GUCY2F: variants seen among roughly 807,000 people sequenced by gnomAD.
GUCY2F encodes the protein guanylate cyclase 2F, retinal, also known as retinal guanylyl cyclase 2.
GUCY2F carries 61 observed loss-of-function variants against 73.1 expected under a neutral mutation model. The observed-to-expected ratio is 0.83, with a 90% CI of 0.68 to 1.03. The LOEUF (loss-of-function observed/expected upper bound fraction) is 1.03, where lower values mean the gene tolerates loss of function less well. Ranked by LOEUF, GUCY2F falls within the 50% of genes least tolerant of loss-of-function variation. The pLI, the probability that GUCY2F is intolerant of heterozygous loss-of-function variation, is 0.00. For missense variants in GUCY2F, 912 were observed against 854.3 expected (o/e 1.07, Z -0.84); for synonymous variants, 331 against 307.8 (o/e 1.08, Z -0.79).
intron 5 of GUCY2F, among the ~76,000 whole-genome samples, chrX:109,448,701 T>C (rs1026125203): frequency 8.9e-6 from 1 of 112,346 alleles, no homozygotes; most frequent in African/African-American, 3.2e-5. Context: ...TGGGCCCAGA[T>C]TTCTGCCCAT....
chrX:109,389,326 G>A (rs780212459), intron 14 of GUCY2F, among the ~76,000 whole-genome samples: 1 of 112,092 alleles, frequency 8.9e-6, no homozygotes, highest in South Asian at 3.7e-4. Context: ...CTTCCCCACA[G>A]AAGTGTGCTC....
intron 7 of GUCY2F, among the ~76,000 whole-genome samples, chrX:109,440,649 A>G: frequency 8.9e-6 from 1 of 111,972 alleles, no homozygotes. Flanking sequence ...AGGAACAGAA[A>G]GGCAGTCTAG....
chrX:109,398,644 C>G lies in GUCY2F; in HGVS notation c.2180G>C (p.Gly727Ala). The change falls in exon 11 of 20, where the codon GGT becomes GCT. Residue 727 changes from glycine to alanine, a missense_variant. Transcript: ENST00000218006. ...LLRAPRGSRL[G>A]SFAGDVYSFA... ...GCTATAGACATCTCCTGCAAAAGAA[C>G]CTAACCTGCTGCCTCTTGGAGCTCT... 2 of 1,209,555 alleles carry G rather than the reference C, an allele frequency of 1.7e-6. No individual in the cohort carries two copies. The highest frequency in any genetic ancestry group is 2.2e-6 in the Non-Finnish European group (2 of 893,406).
At chrX:109,459,093 A>AT (rs902857027) in intron 3 of GUCY2F, among the ~76,000 whole-genome samples, 6 of 110,410 alleles carry the variant, frequency 5.4e-5, no homozygotes, top group Admixed American at 9.8e-5. Context: ...TGAAATCAAG[A>AT]TTTTTTTTTA....
intron 15 of GUCY2F, among the ~76,000 whole-genome samples, chrX:109,388,283 TA>T (rs1310742824): frequency 8.9e-6 from 1 of 111,941 alleles, no homozygotes; most frequent in Non-Finnish European, 1.9e-5. Context: ...AAGAGTTTAG[TA>T]CCTGGAACAA....
intron 17 of GUCY2F, among the ~76,000 whole-genome samples, chrX:109,379,753 CA>C (rs1366421420): frequency 8.9e-6 from 1 of 112,444 alleles, no homozygotes; most frequent in African/African-American, 3.2e-5. Flanking sequence ...AGTGATTTAT[CA>C]CTAGCCCACA....
At chrX:109,474,987 C>T (rs1465129065) in intron 2 of GUCY2F, among the ~76,000 whole-genome samples, 1 of 112,122 alleles carries the variant, frequency 8.9e-6, no homozygotes, top group Non-Finnish European at 1.9e-5. Flanking sequence ...CATTCACAGG[C>T]ATATGAAGCA....
At chrX:109,433,366 C>T (rs1034640849) in intron 7 of GUCY2F, among the ~76,000 whole-genome samples, 1 of 112,005 alleles carries the variant, frequency 8.9e-6, no homozygotes, top group Non-Finnish European at 1.9e-5. Context: ...AAACTGAAAA[C>T]TTAAGAGATT....
chrX:109,393,763 G>A (rs1413262601), intron 12 of GUCY2F, among the ~76,000 whole-genome samples: 1 of 112,124 alleles, frequency 8.9e-6, no homozygotes, highest in African/African-American at 3.2e-5. Flanking sequence ...TACAGTAACA[G>A]GGAGCTAGGC....
intron 6 of GUCY2F, among the ~76,000 whole-genome samples, chrX:109,444,347 A>T (rs766697615): frequency 3.6e-5 from 4 of 112,384 alleles, no homozygotes; most frequent in African/African-American, 1.3e-4. Context: ...CCAGCCAACT[A>T]ATTAAATATA....
At chrX:109,471,496 G>T in intron 2 of GUCY2F, among the ~76,000 whole-genome samples, 1 of 112,253 alleles carries the variant, frequency 8.9e-6, no homozygotes. Context: ...CTTCCAACAG[G>T]GTTCATGGTT....
intron 8 of GUCY2F, among the ~76,000 whole-genome samples, chrX:109,423,773 C>T (rs185095706): frequency 2.8e-5 from 3 of 107,312 alleles, no homozygotes; most frequent in Non-Finnish European, 3.8e-5. Context: ...ATTTTCTAGC[C>T]GTAGGTGACT....
In GUCY2F at chrX:109,478,699, T is replaced by C. The variant is rs139256440; in HGVS notation, c.-85-2678A>G. ...CCATGTATTGTCTCATTTTAAAAAC[T>C]GAATTTAAAAAACTCATCACAGTCC... On this transcript the variant is annotated intron_variant, in intron 1 of 19. Transcript: ENST00000218006. 7.3e-3 allele frequency among the ~76,000 whole-genome samples: 824 copies of C among 112,727 alleles called. 4 individuals are homozygous for C. The highest frequency in any genetic ancestry group is 0.025 in the African/African-American group (776 of 31,028).
At chrX:109,456,460 C>G (rs1303633809) in intron 3 of GUCY2F, among the ~76,000 whole-genome samples, 1 of 111,373 alleles carries the variant, frequency 9.0e-6, no homozygotes, top group East Asian at 2.8e-4. Context: ...CTACCTACAG[C>G]CAAAAGTGAA....
At position 109,439,393 on chromosome X, in the gene GUCY2F, A is replaced by G. The variant is rs771272865; in HGVS notation, c.1701+1958T>C. Reference sequence around the variant, plus strand: ...CCATTCTCCCGTCATCTTGATGAATAGCATCTGGCTTCCTTCTATCCATAC... The same window carrying G: ...CCATTCTCCCGTCATCTTGATGAATGGCATCTGGCTTCCTTCTATCCATAC... On this transcript the variant is annotated intron_variant, in intron 7 of 19. Transcript: ENST00000218006. 2.7e-5 allele frequency among the ~76,000 whole-genome samples: 3 copies of G among 111,883 alleles called. No individual in the cohort carries two copies. The East Asian group carries it at 8.4e-4, about 31-fold the overall frequency.
chrX:109,414,860 T>C (rs1287687267), intron 8 of GUCY2F, among the ~76,000 whole-genome samples: 2 of 111,644 alleles, frequency 1.8e-5, no homozygotes, highest in African/African-American at 6.5e-5. Context: ...ACCCAAACAC[T>C]AAGTAAAAGC....
Position 109,388,640 on chromosome X carries a change from G to A in GUCY2F, c.2805C>T (p.Tyr935=). Residue 935 remains tyrosine (Y), a synonymous_variant, in exon 15 of 20, where the codon TAC becomes TAT. Transcript: ENST00000218006. Reference sequence around the variant, plus strand: ...TCTTTGGGAGGCCTGAAGCCACCATGTAGGCATCTCCAATGGTCTCTACCT... The same window carrying A: ...TCTTTGGGAGGCCTGAAGCCACCATATAGGCATCTCCAATGGTCTCTACCT... ...VYKVETIGDA[Y]MVASGLPKRN... The A allele has an allele frequency of 2.5e-6, 3 of 1,191,049 alleles. No individual in the cohort carries two copies. Among genetic ancestry groups the A allele is most frequent in the Non-Finnish European group, 3.4e-6 (3 of 877,301 alleles).
chrX:109,440,039 T>G (rs1315929124), intron 7 of GUCY2F, among the ~76,000 whole-genome samples: 1 of 112,432 alleles, frequency 8.9e-6, no homozygotes, highest in Non-Finnish European at 1.9e-5. Context: ...GGTATTTTTT[T>G]GTAACAACCC....
intron 3 of GUCY2F, among the ~76,000 whole-genome samples, chrX:109,457,820 T>C (rs1307241399): frequency 1.8e-5 from 2 of 111,920 alleles, no homozygotes; most frequent in Non-Finnish European, 3.8e-5. Flanking sequence ...GGATTTCCTT[T>C]GCTTAATCAA....
Sources: allele counts gnomAD v4.1 joint callset (sites outside exome capture counted in the v4.1 genomes callset), GRCh38; gene constraint gnomAD v4.1.1; transcripts MANE v1.5; gene names NCBI Gene and HGNC (gene_info 2026-07-23, HGNC 2026-07-21).